The following PRCC variants were observed in gnomAD, a reference collection of about 807,000 sequenced individuals.
PRCC encodes proline-rich protein PRCC.
In PRCC, 10 loss-of-function variants were observed where a neutral mutation model predicts 44.0. That is an observed-to-expected ratio of 0.23 (90% CI 0.14 to 0.39). The LOEUF is 0.39. PRCC is among the 10% of genes least tolerant of loss of function. The pLI is 1.00. For synonymous variants in PRCC, 278 were observed against 259.5 expected (o/e 1.07, Z -0.69); for missense variants, 573 against 624.7 (o/e 0.92, Z 0.88).
intron 4 of PRCC, 53 bp downstream of exon 4, chr1:156,791,845 A>C (rs981008689): frequency 6.0e-6 from 9 of 1,498,300 alleles, no homozygotes; most frequent in African/African-American, 1.4e-5. Context: ...ACCACATTTC[A>C]AATCTGAAGC....
At chr1:156,784,983 A>G (rs1652181201) in intron 2 of PRCC, among the ~76,000 whole-genome samples, 1 of 151,558 alleles carries the variant, frequency 6.6e-6, no homozygotes, top group African/African-American at 2.4e-5. Flanking sequence ...AGGGTAGGGG[A>G]CTTTCTTCAG....
chr1:156,800,213 C>A (rs772587490), intron 6 of PRCC, among the ~76,000 whole-genome samples, 161 bp from the exon 7 acceptor site: 1 of 152,144 alleles, frequency 6.6e-6, no homozygotes, highest in African/African-American at 2.4e-5. Context: ...TTTCTTGGGG[C>A]CTTTCCCTTT....
Position 156,782,298 on chromosome 1 carries a change from A to G in PRCC, c.485A>G (p.Asp162Gly), listed in dbSNP as rs1652074611. Residue 162 changes from aspartate (D) to glycine (G), a missense_variant, in exon 2 of 7, where the codon GAT becomes GGT. This residue lies in a region of PRCC where 118 missense variants were observed against 166.7 expected (regional missense o/e 0.71). Transcript: ENST00000271526. ...LHKGDSDSEE[D>G]EPTKKKTILQ... ...TTCTCTTAGTCAGATTCTGAGGAAG[A>G]TGAACCCACAAAGAAGAAAACTATC... 6.2e-7 allele frequency: 1 copy of G among 1,608,278 alleles called. No homozygotes were observed. The highest frequency in any genetic ancestry group is 1.7e-5 in the Admixed American group (1 of 59,912).
At position 156,800,812 on chromosome 1, in the gene PRCC, C is replaced by A. The variant is rs138967696; in HGVS notation, c.*352C>A. ...TGTTGAAATAAAACATTCAGTCTGA[C>A]AAACATTGCCTGCCCTGTCCCTGGA... On this transcript the variant is annotated 3_prime_UTR_variant, in exon 7 of 7. Transcript: ENST00000271526. 3.7e-3 allele frequency: 977 copies of A among 264,090 alleles called. 8 individuals carry two copies. Among genetic ancestry groups the A allele is most frequent in the African/African-American group, 0.019 (904 of 46,688 alleles). 16.4% of individuals were successfully genotyped at this position (264,090 alleles called of 1,614,324 possible). A position where few individuals can be genotyped will look rare whatever the true frequency, so the allele number is the denominator to read the frequency against.
intron 6 of PRCC, 128 bp from the exon 7 acceptor site, chr1:156,800,246 G>T: frequency 1.3e-6 from 1 of 774,752 alleles, no homozygotes. Context: ...TCTTTCAAGG[G>T]GTTTGCAGTT....
intron 1 of PRCC, among the ~76,000 whole-genome samples, chr1:156,775,419 T>A (rs1409208805): frequency 6.6e-6 from 1 of 151,808 alleles, no homozygotes; most frequent in African/African-American, 2.4e-5. Flanking sequence ...GGCACAATCT[T>A]AGCTTACTTC....
At chr1:156,795,592 A>T (rs16837660) in intron 5 of PRCC, among the ~76,000 whole-genome samples, 11,374 of 152,094 alleles carry the variant, frequency 0.075, 476 homozygotes, top group Admixed American at 0.11. Flanking sequence ...GGCCCCGGTT[A>T]GTTCATTGTT....
intron 1 of PRCC, among the ~76,000 whole-genome samples, chr1:156,777,940 CATTT>C (rs1423584468): frequency 3.3e-5 from 5 of 152,132 alleles, no homozygotes. Context: ...TGTAAGTTGA[CATTT>C]ATCATTGTAT....
rs67388360 is a variant in PRCC at position 156,792,053 on chromosome 1, C to CTTTTTTTTTTTTTTT, written c.1179+275_1179+289dup. On this transcript the variant is annotated intron_variant, in intron 4 of 6. Transcript: ENST00000271526. ...ACAGAGTCAGGGATCTAGTCCCCTTCTTTTTTTTTTTTTTTTTTTTTTTTT... is the reference window on the plus strand; with the variant it reads ...ACAGAGTCAGGGATCTAGTCCCCTTCTTTTTTTTTTTTTTTTTTTTTTTTTTTTTTTTTTTTTTTT... 3.5e-3 allele frequency among the ~76,000 whole-genome samples: 204 copies of CTTTTTTTTTTTTTTT among 58,462 alleles called. 18 individuals carry two copies. The highest frequency in any genetic ancestry group is 0.045 in the Middle Eastern group (2 of 44). 38.4% of individuals were successfully genotyped at this position (58,462 alleles called of 152,430 possible).
intron 1 of PRCC, among the ~76,000 whole-genome samples, chr1:156,779,562 T>C (rs905817563): frequency 2.0e-5 from 3 of 151,984 alleles, no homozygotes; most frequent in African/African-American, 7.2e-5. Context: ...AGAGACGAGG[T>C]TTCACCATAT....
At chr1:156,772,993 G>A (rs548075246) in intron 1 of PRCC, among the ~76,000 whole-genome samples, 1 of 152,338 alleles carries the variant, frequency 6.6e-6, no homozygotes, top group South Asian at 2.1e-4. Context: ...AAACATGGAA[G>A]AGCCTGGGGC....
intron 1 of PRCC, among the ~76,000 whole-genome samples, chr1:156,775,057 G>C (rs1277137988): frequency 2.0e-5 from 3 of 151,912 alleles, no homozygotes; most frequent in Non-Finnish European, 4.4e-5. Context: ...GAGCATCCTG[G>C]CTAACACGGT....
chr1:156,767,709 G>T lies in PRCC; in HGVS notation c.-63G>T. 1 of 1,485,402 alleles carries T rather than the reference G, an allele frequency of 6.7e-7. No homozygotes were observed. Among genetic ancestry groups the T allele is most frequent in the East Asian group, 2.5e-5 (1 of 40,392 alleles). 92.0% of individuals were successfully genotyped at this position (1,485,402 alleles called of 1,614,324 possible). A position where few individuals can be genotyped will look rare whatever the true frequency, so the allele number is the denominator to read the frequency against. The stretch of plus-strand genomic sequence containing the variant: ...GGTGGCGGGGCCTACTAGGCCTCCG[G>T]GCATCCCCGGTCTCAAGTAGGCCTC... On this transcript the variant is annotated 5_prime_UTR_variant, in exon 1 of 7. Transcript: ENST00000271526.
intron 2 of PRCC, among the ~76,000 whole-genome samples, chr1:156,782,536 G>T (rs539755917): frequency 1.3e-5 from 2 of 152,222 alleles, no homozygotes; most frequent in African/African-American, 4.8e-5. Flanking sequence ...TAACATGCTG[G>T]TATTACCTTT....
intron 1 of PRCC, among the ~76,000 whole-genome samples, chr1:156,779,124 ATATATTTTTTTTTTTTTTTT>A (rs1031164726): frequency 2.4e-4 from 6 of 25,208 alleles, no homozygotes; most frequent in African/African-American, 4.8e-4. Context: ...ATATATATAT[ATATATTTTTTTTTTTTTTTT>A]TTTTTTTTTT....
At position 156,800,403 on chromosome 1, in the gene PRCC, C is replaced by T. The variant is rs770044795; in HGVS notation, c.1419C>T (p.Asn473=). The T allele has an allele frequency of 2.5e-6, 4 of 1,614,156 alleles. No individual in the cohort carries two copies. In the South Asian group the frequency reaches 3.3e-5, roughly 13 times the overall value. The stretch of plus-strand genomic sequence containing the variant: ...AGGAGCGGGAGCTGGAACTGAAGAA[C>T]ACCTGGTCAGAGAACAAGCTCAGCC... ...QAKERELELK[N]TWSENKLSRR... Residue 473 remains asparagine (N), a synonymous_variant, in exon 7 of 7, where the codon AAC becomes AAT. Coordinates refer to ENST00000271526, the MANE Select transcript of PRCC (RefSeq NM_005973.5).
At chr1:156,796,100 A>C (rs1247195494) in intron 5 of PRCC, 1 of 152,170 alleles carries the variant, frequency 6.6e-6, no homozygotes, top group African/African-American at 2.4e-5. Context: ...TACTGGAAAA[A>C]CCACTTAGGA....
intron 3 of PRCC, among the ~76,000 whole-genome samples, chr1:156,788,444 C>G (rs1652353345): frequency 6.6e-6 from 1 of 152,116 alleles, no homozygotes; most frequent in African/African-American, 2.4e-5. Context: ...CTATTGCAAA[C>G]AGTGCTGTGA....
intron 2 of PRCC, among the ~76,000 whole-genome samples, chr1:156,783,126 ACT>A (rs2102762210): frequency 6.6e-6 from 1 of 151,830 alleles, no homozygotes; most frequent in Admixed American, 6.6e-5. Flanking sequence ...CTGGTCTCAA[ACT>A]CCCGACCTCA....
Sources: allele counts gnomAD v4.1 joint callset (sites outside exome capture counted in the v4.1 genomes callset), GRCh38; gene constraint gnomAD v4.1.1; regional missense constraint gnomAD v4.1.1; transcripts MANE v1.5; gene names NCBI Gene and HGNC (gene_info 2026-07-23, HGNC 2026-07-21).